ROBO1: variants seen among roughly 807,000 people sequenced by gnomAD.
ROBO1 encodes the protein roundabout guidance receptor 1, also known as roundabout homolog 1.
In ROBO1, 149 loss-of-function variants were observed where a neutral mutation model predicts 195.9. That is an observed-to-expected ratio of 0.76 (90% CI 0.67 to 0.87). The LOEUF (loss-of-function observed/expected upper bound fraction) is 0.87. Ranked by LOEUF, ROBO1 falls within the 40% of genes least tolerant of loss-of-function variation. The pLI, the probability that ROBO1 is intolerant of heterozygous loss-of-function variation, is 0.00. For missense variants in ROBO1, 1,933 were observed against 2,068.3 expected (o/e 0.93, Z 1.27); for synonymous variants, 816 against 733.2 (o/e 1.11, Z -1.82).
At chr3:79,767,544 G>T (rs530737886) in intron 1 of ROBO1, among the ~76,000 whole-genome samples, 3 of 152,266 alleles carry the variant, frequency 2.0e-5, no homozygotes, top group East Asian at 1.9e-4. Flanking sequence ...CCTCCCGATC[G>T]CAAGGCTGCA....
chr3:79,467,843 A>T (rs1461430067), intron 2 of ROBO1, among the ~76,000 whole-genome samples: 2 of 152,068 alleles, frequency 1.3e-5, no homozygotes, highest in Non-Finnish European at 2.9e-5. Context: ...GCCTGAAAGC[A>T]CTCACCCTGG....
chr3:79,434,947 G>T (rs1411090799), intron 2 of ROBO1, among the ~76,000 whole-genome samples: 1 of 152,042 alleles, frequency 6.6e-6, no homozygotes, highest in Non-Finnish European at 1.5e-5. Context: ...ATCATTCTCA[G>T]CAAACTATCG....
At chr3:79,523,201 G>A (rs1941284085) in intron 2 of ROBO1, among the ~76,000 whole-genome samples, 2 of 149,118 alleles carry the variant, frequency 1.3e-5, no homozygotes, top group South Asian at 4.2e-4. Context: ...ACACAAATTA[G>A]TACATAGTGA....
At chr3:79,745,868 C>T (rs1703853506) in intron 1 of ROBO1, among the ~76,000 whole-genome samples, 2 of 151,872 alleles carry the variant, frequency 1.3e-5, no homozygotes, top group African/African-American at 4.8e-5. Context: ...TGGCTTTTTA[C>T]CCCTTAAAAA....
intron 3 of ROBO1, among the ~76,000 whole-genome samples, chr3:78,964,228 C>A (rs2041556522): frequency 6.6e-6 from 1 of 152,146 alleles, no homozygotes; most frequent in Non-Finnish European, 1.5e-5. Context: ...AATGACCTCA[C>A]CTTATCTCTA....
intron 4 of ROBO1, among the ~76,000 whole-genome samples, chr3:78,867,022 G>C (rs1488073544): frequency 6.6e-6 from 1 of 152,162 alleles, no homozygotes; most frequent in Non-Finnish European, 1.5e-5. Context: ...TTTGCCATTT[G>C]TATTTGAAAG....
intron 3 of ROBO1, among the ~76,000 whole-genome samples, chr3:79,074,535 C>T (rs1412195583): frequency 6.6e-6 from 1 of 151,776 alleles, no homozygotes; most frequent in Non-Finnish European, 1.5e-5. Flanking sequence ...CCTCCCACCT[C>T]AGCCCCTGAG....
intron 3 of ROBO1, among the ~76,000 whole-genome samples, chr3:79,031,346 C>T (rs535458780): frequency 2.0e-5 from 3 of 152,076 alleles, no homozygotes; most frequent in Non-Finnish European, 4.4e-5. Flanking sequence ...AGGAAAAAAA[C>T]CACATGAATA....
chr3:79,531,534 A>G (rs1254897691), intron 2 of ROBO1, among the ~76,000 whole-genome samples: 2 of 152,192 alleles, frequency 1.3e-5, no homozygotes, highest in Non-Finnish European at 2.9e-5. Flanking sequence ...GAGGAATGAA[A>G]AAAATTGGTT....
chr3:79,437,141 G>C (rs1345231800), intron 2 of ROBO1, among the ~76,000 whole-genome samples: 2 of 151,942 alleles, frequency 1.3e-5, no homozygotes, highest in Non-Finnish European at 2.9e-5. Flanking sequence ...GAAGTATTGA[G>C]AATCAAGAAA....
chr3:79,075,119 T>A (rs1000965198), intron 3 of ROBO1, among the ~76,000 whole-genome samples: 26 of 151,868 alleles, frequency 1.7e-4, no homozygotes, highest in Non-Finnish European at 3.5e-4. Flanking sequence ...GGCTTTTTTT[T>A]AAGGGATTTT....
chr3:78,714,298 C>A lies in ROBO1; in HGVS notation c.1045+99G>T, dbSNP rs1202005475. 3 of 1,178,328 alleles carry A rather than the reference C, an allele frequency of 2.5e-6. No homozygotes were observed. The East Asian group carries it at 7.6e-5, about 30-fold the overall frequency. The allele number at this position is 1,178,328 out of a possible 1,614,324, so 73.0% of individuals were successfully genotyped here. ...CATTATTTAGAGCAATACTTAAAGT[C>A]TATATGTAACATAGCCCTATACATA... On this transcript the variant is annotated intron_variant, in intron 8 of 30. Transcript: ENST00000464233.
intron 1 of ROBO1, among the ~76,000 whole-genome samples, chr3:79,671,202 G>A (rs1946622214): frequency 6.6e-6 from 1 of 151,820 alleles, no homozygotes; most frequent in South Asian, 2.1e-4. Flanking sequence ...CATTATGTTA[G>A]AAGGAAAAGC....
intron 2 of ROBO1, among the ~76,000 whole-genome samples, chr3:79,560,409 C>A (rs1428941698): frequency 6.8e-6 from 1 of 147,736 alleles, no homozygotes; most frequent in Non-Finnish European, 1.5e-5. Context: ...GGAGGGATAG[C>A]ATTAGGAGAT....
At chr3:78,654,422 T>C (rs1316494283) in intron 18 of ROBO1, among the ~76,000 whole-genome samples, 1 of 152,242 alleles carries the variant, frequency 6.6e-6, no homozygotes, top group African/African-American at 2.4e-5. Flanking sequence ...CAGACTCTTT[T>C]ATTACCTCTG....
At chr3:79,656,552 G>A (rs900383778) in intron 1 of ROBO1, among the ~76,000 whole-genome samples, 9 of 151,394 alleles carry the variant, frequency 5.9e-5, no homozygotes, top group African/African-American at 2.2e-4. Flanking sequence ...TATTTTTACT[G>A]TCATAACCAT....
intron 3 of ROBO1, among the ~76,000 whole-genome samples, chr3:79,090,100 C>T (rs2108486687): frequency 6.6e-6 from 1 of 152,040 alleles, no homozygotes; most frequent in East Asian, 1.9e-4. Context: ...CCACCATGCC[C>T]AGCTAATTTT....
intron 1 of ROBO1, among the ~76,000 whole-genome samples, chr3:79,623,661 G>C (rs536309826): frequency 2.0e-5 from 3 of 152,160 alleles, no homozygotes; most frequent in African/African-American, 7.2e-5. Context: ...AGAATGAAAA[G>C]AAATGAACAA....
intron 2 of ROBO1, among the ~76,000 whole-genome samples, chr3:79,533,695 CT>C (rs1165373022): frequency 6.6e-6 from 1 of 152,110 alleles, no homozygotes; most frequent in East Asian, 1.9e-4. Context: ...GCCTCTGCCC[CT>C]AATCATTAAT....
Sources: allele counts gnomAD v4.1 joint callset (sites outside exome capture counted in the v4.1 genomes callset), GRCh38; gene constraint gnomAD v4.1.1; transcripts MANE v1.5; gene names NCBI Gene and HGNC (gene_info 2026-07-23, HGNC 2026-07-21).